Variants in GPR20 observed in about 807,000 individuals in gnomAD.
GPR20 encodes the protein G protein-coupled receptor 20, also known as CTD-3064M3.3.
For missense variants in GPR20, 494 were observed against 527.4 expected, an observed-to-expected ratio of 0.94 and a Z score of 0.62; for synonymous variants, 241 against 241.9, an observed-to-expected ratio of 1.00 and a Z score of 0.04.
At position 141,357,044 on chromosome 8, in the gene GPR20, G is replaced by T. The variant is rs1831652231; in HGVS notation, c.880C>A (p.Pro294Thr). 6.2e-7 allele frequency: 1 copy of T among 1,612,868 alleles called. No homozygotes were observed. Among genetic ancestry groups the T allele is most frequent in the Non-Finnish European group, 8.5e-7 (1 of 1,179,694 alleles). Residue 294 changes from proline (P) to threonine (T), a missense_variant, in exon 2 of 2, where the codon CCC (proline) becomes ACC (threonine). Physicochemically the swap from Pro to Thr is conservative, Grantham distance 38. Transcript: ENST00000377741. Reference sequence around the variant, plus strand: ...CTGGTGACGAAGCAGTAGACGATGGGGTCCATGCAGCTGTTGAGGCTGCTG... The same window carrying T: ...CTGGTGACGAAGCAGTAGACGATGGTGTCCATGCAGCTGTTGAGGCTGCTG... Reference protein sequence around the residue: ...TLSSLNSCMDPIVYCFVTSGF... With the variant: ...TLSSLNSCMDTIVYCFVTSGF...
At chr8:141,358,300 A>T (rs1390154787) in intron 1 of GPR20, among the ~76,000 whole-genome samples, 1 of 152,216 alleles carries the variant, frequency 6.6e-6, no homozygotes, top group Non-Finnish European at 1.5e-5. Flanking sequence ...AGAGCTGATA[A>T]GGGCAAGACC....
At chr8:141,366,773 G>T (rs1831819817) in intron 1 of GPR20, among the ~76,000 whole-genome samples, 1 of 152,214 alleles carries the variant, frequency 6.6e-6, no homozygotes, top group African/African-American at 2.4e-5. Flanking sequence ...TGCCTCTGGG[G>T]TCCCCCAACT....
Position 141,357,250 on chromosome 8 carries a change from C to T in GPR20, c.674G>A (p.Arg225Gln), listed in dbSNP as rs201039593. 5.6e-3 allele frequency: 8,667 copies of T among 1,545,246 alleles called. 27 individuals are homozygous for T. Among genetic ancestry groups the T allele is most frequent in the Non-Finnish European group, 7.0e-3 (8,089 of 1,149,192 alleles). Residue 225 changes from arginine to glutamine, a missense_variant, in exon 2 of 2, where the codon CGG becomes CAG. Transcript: ENST00000377741. The stretch of plus-strand genomic sequence containing the variant: ...GCGACCCTGGTGGAGCAGACCCGGC[C>T]GCGACAGTGCACACATGATGCGGCC... ...FTGRIMCALS[R>Q]PGLLHQGRQR... is the part of the protein sequence containing the mutation.
chr8:141,366,279 A>T (rs998380883), intron 1 of GPR20, among the ~76,000 whole-genome samples: 2 of 152,066 alleles, frequency 1.3e-5, no homozygotes, highest in African/African-American at 4.8e-5. Flanking sequence ...CAGCGACTGG[A>T]TGAGTCCTGG....
intron 1 of GPR20, among the ~76,000 whole-genome samples, chr8:141,365,539 G>A (rs183157973): frequency 4.6e-5 from 7 of 152,302 alleles, no homozygotes; most frequent in Admixed American, 2.0e-4. Context: ...CCAGCACTGC[G>A]GGCACAAATG....
At chr8:141,363,860 G>A (rs934055089) in intron 1 of GPR20, among the ~76,000 whole-genome samples, 3 of 152,260 alleles carry the variant, frequency 2.0e-5, no homozygotes, top group Admixed American at 6.5e-5. Flanking sequence ...GGCCCAGGGT[G>A]GCTGTTGAGC....
rs549200262 is a variant in GPR20, at chr8:141,357,869, C to T, written c.55G>A (p.Ala19Thr). The change falls in exon 2 of 2, where the codon GCA (alanine) becomes ACA (threonine). Residue 19 changes from alanine to threonine, a missense_variant. By Grantham distance (58) the Ala-to-Thr change is moderately conservative. Coordinates refer to ENST00000377741, the MANE Select transcript of GPR20 (RefSeq NM_005293.3). ...PSAGAVPNAT[A>T]VTTVRTNASG... Reference sequence around the variant, plus strand: ...GCATTGGTCCGCACTGTTGTCACTGCGGTGGCATTGGGGACTGCCCCGGCC... The same window carrying T: ...GCATTGGTCCGCACTGTTGTCACTGTGGTGGCATTGGGGACTGCCCCGGCC... 104 of 1,608,080 alleles carry T rather than the reference C, an allele frequency of 6.5e-5. No individual in the cohort carries two copies. Among genetic ancestry groups the T allele is most frequent in the South Asian group, 3.1e-4 (28 of 90,596 alleles).
intron 1 of GPR20, among the ~76,000 whole-genome samples, chr8:141,362,949 C>T (rs1319420857): frequency 6.6e-6 from 1 of 152,138 alleles, no homozygotes; most frequent in Non-Finnish European, 1.5e-5. Context: ...GATGGGGTTT[C>T]ACCATGTTGG....
At position 141,356,760 on chromosome 8, in the gene GPR20, A is replaced by C; in HGVS notation, c.*87T>G. 1 of 904,006 alleles carries C rather than the reference A, an allele frequency of 1.1e-6. No individual in the cohort carries two copies. The allele number at this position is 904,006 out of a possible 1,614,324, so 56.0% of individuals were successfully genotyped here. On this transcript the variant is annotated 3_prime_UTR_variant, in exon 2 of 2. Transcript: ENST00000377741. ...GCCATCACCAATCAATCGAGATGGA[A>C]CCGATTGCCACCCCTGGCATGGTGG...
At chr8:141,364,782 T>C (rs1381369637) in intron 1 of GPR20, among the ~76,000 whole-genome samples, 1 of 151,030 alleles carries the variant, frequency 6.6e-6, no homozygotes. Context: ...ATTGGGTTCA[T>C]TGCTCACCTC....
At chr8:141,359,730 G>C (rs1831705367) in intron 1 of GPR20, among the ~76,000 whole-genome samples, 1 of 152,162 alleles carries the variant, frequency 6.6e-6, no homozygotes, top group African/African-American at 2.4e-5. Context: ...CTGGGCACAT[G>C]GGGGCTGGGA....
Position 141,357,747 on chromosome 8 carries a change from C to T in GPR20, c.177G>A (p.Val59=). The T allele has an allele frequency of 1.9e-6, 3 of 1,613,176 alleles. No individual in the cohort carries two copies. Among genetic ancestry groups the T allele is most frequent in the African/African-American group, 1.3e-5 (1 of 75,054 alleles). Reference sequence around the variant, plus strand: ...GCCCTGCCAGGAAGATGGCTCCGTGCACCGCCATCAGCGCCAGCCACAGGC... The same window carrying T: ...GCCCTGCCAGGAAGATGGCTCCGTGTACCGCCATCAGCGCCAGCCACAGGC... The part of the protein sequence containing the change: ...FPGLWLALMA[V]HGAIFLAGLV... Residue 59 remains valine, a synonymous_variant, in exon 2 of 2, where the codon GTG becomes GTA. Transcript: ENST00000377741.
At position 141,356,898 on chromosome 8, in the gene GPR20, A is replaced by C; in HGVS notation, c.1026T>G (p.Ser342Arg). ...SKGSGRHHILSAGPHALTQAL... is the reference protein window; with the variant it reads ...SKGSGRHHILRAGPHALTQAL... ...CCTGGGTGAGGGCGTGAGGGCCGGC[A>C]CTGAGGATGTGATGACGGCCTGAGC... The change falls in exon 2 of 2, where the codon AGT (serine) becomes AGG (arginine). Residue 342 changes from serine to arginine, a missense_variant. Physicochemically the swap from Ser to Arg is moderately radical, Grantham distance 110. Transcript: ENST00000377741. 1 of 1,611,112 alleles carries C rather than the reference A, an allele frequency of 6.2e-7. No homozygotes were observed. The highest frequency in any genetic ancestry group is 8.5e-7 in the Non-Finnish European group (1 of 1,178,792).
intron 1 of GPR20, among the ~76,000 whole-genome samples, chr8:141,366,797 G>A (rs1386234743): frequency 6.6e-6 from 1 of 152,214 alleles, no homozygotes; most frequent in African/African-American, 2.4e-5. Context: ...TCCCTGGCTT[G>A]GCCTGTGGGC....
intron 1 of GPR20, among the ~76,000 whole-genome samples, chr8:141,364,531 C>G (rs984866021): frequency 6.6e-6 from 1 of 152,182 alleles, no homozygotes; most frequent in Non-Finnish European, 1.5e-5. Context: ...CTGTCCCCCA[C>G]GCCCACAGGC....
intron 1 of GPR20, among the ~76,000 whole-genome samples, chr8:141,365,503 G>T (rs192582162): frequency 3.9e-5 from 6 of 152,314 alleles, no homozygotes; most frequent in Non-Finnish European, 4.4e-5. Flanking sequence ...CGTGCAGTTT[G>T]GAGGTGTCAG....
At chr8:141,365,887 G>A (rs1376349077) in intron 1 of GPR20, among the ~76,000 whole-genome samples, 6 of 152,196 alleles carry the variant, frequency 3.9e-5, no homozygotes, top group African/African-American at 1.4e-4. Flanking sequence ...GCCCTGCCAC[G>A]CGCAGTTCCC....
chr8:141,360,746 G>A (rs1258281835), intron 1 of GPR20, among the ~76,000 whole-genome samples: 2 of 152,180 alleles, frequency 1.3e-5, no homozygotes, highest in Admixed American at 6.5e-5. Context: ...TCTGCTCTCC[G>A]GAGGGCCCGG....
intron 1 of GPR20, among the ~76,000 whole-genome samples, chr8:141,361,872 C>T (rs562288058): frequency 5.4e-4 from 82 of 152,322 alleles, no homozygotes; most frequent in Non-Finnish European, 9.7e-4. Context: ...GAGCCCCCAC[C>T]CCTCCAGGTG....
Sources: allele counts gnomAD v4.1 joint callset (sites outside exome capture counted in the v4.1 genomes callset), GRCh38; gene constraint gnomAD v4.1.1; transcripts MANE v1.5; gene names NCBI Gene and HGNC (gene_info 2026-07-23, HGNC 2026-07-21).